GBE1: variants seen among roughly 807,000 people sequenced by gnomAD.
GBE1 encodes the protein 1,4-alpha-glucan branching enzyme 1.
Under a neutral mutation model 88.8 loss-of-function variants are expected in GBE1, and 70 were observed. The ratio of observed to expected loss-of-function variants is 0.79; its 90% CI spans 0.65 to 0.96. GBE1 has a LOEUF of 0.96. Ranked by LOEUF, GBE1 falls within the 40% of genes least tolerant of loss-of-function variation. The pLI is 0.00. For synonymous variants in GBE1, 284 were observed against 300.1 expected (o/e 0.95, Z 0.56); for missense variants, 872 against 871.0 (o/e 1.00, Z -0.01).
intron 5 of GBE1, among the ~76,000 whole-genome samples, chr3:81,648,394 T>G (rs554098251): frequency 6.6e-6 from 1 of 152,112 alleles, no homozygotes; most frequent in African/African-American, 2.4e-5. Flanking sequence ...GTGTCTCACA[T>G]AGATATTCTA....
intron 7 of GBE1, among the ~76,000 whole-genome samples, chr3:81,624,287 C>G (rs1009653573): frequency 3.3e-5 from 5 of 152,162 alleles, no homozygotes; most frequent in Admixed American, 1.3e-4. Flanking sequence ...TTACCTCCAC[C>G]TGATCTCTCC....
intron 13 of GBE1, 67 bp downstream of exon 13, chr3:81,536,844 T>C (rs1703081106): frequency 2.5e-6 from 3 of 1,186,070 alleles, no homozygotes; most frequent in African/African-American, 1.6e-5. Context: ...GAGATTTAAA[T>C]TGGTTGCCAT....
chr3:81,503,714 G>A (rs1702619648), intron 14 of GBE1, among the ~76,000 whole-genome samples: 1 of 152,196 alleles, frequency 6.6e-6, no homozygotes, highest in Non-Finnish European at 1.5e-5. Context: ...GTGCGCGTAA[G>A]TCAAATGTAG....
intron 7 of GBE1, among the ~76,000 whole-genome samples, chr3:81,626,258 G>A (rs1704412676): frequency 6.6e-6 from 1 of 152,036 alleles, no homozygotes; most frequent in Non-Finnish European, 1.5e-5. Context: ...TTTCTTTCAA[G>A]GACATAAGGT....
intron 14 of GBE1, 120 bp downstream of exon 14, chr3:81,535,075 A>G: frequency 1.1e-6 from 1 of 908,490 alleles, no homozygotes; most frequent in South Asian, 1.7e-5. Context: ...CATTTTTCAG[A>G]TGAGGAAAAT....
intron 14 of GBE1, among the ~76,000 whole-genome samples, chr3:81,528,849 C>G (rs1702980532): frequency 6.6e-6 from 1 of 151,894 alleles, no homozygotes. Flanking sequence ...CCTTTATTTG[C>G]TAGTCTATGA....
intron 14 of GBE1, among the ~76,000 whole-genome samples, chr3:81,524,334 A>T (rs1429654332): frequency 1.3e-5 from 2 of 151,744 alleles, no homozygotes; most frequent in Admixed American, 1.3e-4. Flanking sequence ...TTTTTAAATA[A>T]GATTATTAAA....
chr3:81,550,671 C>T (rs1703259313), intron 12 of GBE1, among the ~76,000 whole-genome samples: 1 of 152,148 alleles, frequency 6.6e-6, no homozygotes, highest in Non-Finnish European at 1.5e-5. Context: ...CTAAAACCCA[C>T]CAAAACCAAC....
At chr3:81,658,624 C>A (rs1704976563) in intron 3 of GBE1, among the ~76,000 whole-genome samples, 1 of 152,138 alleles carries the variant, frequency 6.6e-6, no homozygotes, top group South Asian at 2.1e-4. Context: ...ATCTTCTAGC[C>A]TAGTTAAGGA....
At chr3:81,738,771 T>C (rs766832073) in intron 1 of GBE1, among the ~76,000 whole-genome samples, 2 of 152,192 alleles carry the variant, frequency 1.3e-5, no homozygotes, top group Non-Finnish European at 2.9e-5. Context: ...TTAATCCTCA[T>C]AAAATGTTGA....
At chr3:81,663,705 C>T (rs1241590283) in intron 3 of GBE1, among the ~76,000 whole-genome samples, 1 of 152,116 alleles carries the variant, frequency 6.6e-6, no homozygotes, top group Non-Finnish European at 1.5e-5. Flanking sequence ...TAAAAGCACA[C>T]GGTAGCACAC....
At chr3:81,498,457 T>C (rs1392436841) in intron 15 of GBE1, among the ~76,000 whole-genome samples, 2 of 152,202 alleles carry the variant, frequency 1.3e-5, no homozygotes, top group African/African-American at 4.8e-5. Context: ...TGAATTCCTC[T>C]GAATCTAGAA....
chr3:81,529,774 T>G (rs577062298), intron 14 of GBE1, among the ~76,000 whole-genome samples: 1 of 152,186 alleles, frequency 6.6e-6, no homozygotes, highest in East Asian at 1.9e-4. Context: ...AATTGATTTT[T>G]AAATGTCTTG....
chr3:81,525,750 T>C (rs1419075552), intron 14 of GBE1, among the ~76,000 whole-genome samples: 2 of 152,030 alleles, frequency 1.3e-5, no homozygotes, highest in Non-Finnish European at 2.9e-5. Flanking sequence ...TTCTTCCTGG[T>C]TTAGTCTTGG....
chr3:81,659,108 G>A (rs1478449267), intron 3 of GBE1, among the ~76,000 whole-genome samples: 2 of 152,008 alleles, frequency 1.3e-5, no homozygotes, highest in East Asian at 3.9e-4. Flanking sequence ...CATGTGCAGT[G>A]AAGGTTAGAA....
At chr3:81,567,434 G>T (rs1209876898) in intron 12 of GBE1, among the ~76,000 whole-genome samples, 1 of 152,140 alleles carries the variant, frequency 6.6e-6, no homozygotes, top group Non-Finnish European at 1.5e-5. Flanking sequence ...CATATGTTGA[G>T]AAATACCAAT....
intron 14 of GBE1, among the ~76,000 whole-genome samples, chr3:81,514,233 C>A (rs1354238781): frequency 3.4e-5 from 5 of 148,430 alleles, no homozygotes; most frequent in East Asian, 2.0e-4. Context: ...GAAAAAAAAA[C>A]CCAGTAATGT....
intron 2 of GBE1, among the ~76,000 whole-genome samples, chr3:81,699,829 C>A (rs1705661256): frequency 6.6e-6 from 1 of 152,132 alleles, no homozygotes; most frequent in Admixed American, 6.6e-5. Context: ...ACTTTGTATC[C>A]CTCAATCCAA....
chr3:81,665,949 T>C (rs1410689466), intron 3 of GBE1, among the ~76,000 whole-genome samples: 2 of 152,070 alleles, frequency 1.3e-5, no homozygotes, highest in South Asian at 2.1e-4. Context: ...ACTTGAGTGA[T>C]CTAGAATGAG....
Sources: gnomAD v4.1 joint callset for allele counts (sites outside exome capture counted in the v4.1 genomes callset) on GRCh38, gnomAD v4.1.1 for gene constraint, MANE v1.5 for transcripts, NCBI Gene and HGNC (gene_info 2026-07-23, HGNC 2026-07-21) for gene names.